TLN1: variants seen among roughly 807,000 people sequenced by gnomAD.
TLN1 encodes talin 1, also known as talin-1.
A neutral mutation model predicts 292.3 loss-of-function variants in TLN1; 56 were observed. That is an observed-to-expected ratio of 0.19 (90% CI 0.15 to 0.24). TLN1 has a LOEUF of 0.24. Among genes scored for constraint, TLN1 ranks in the 10% least tolerant of loss-of-function variants. The pLI is 1.00. For missense variants in TLN1, 2,433 were observed against 3,248.2 expected, an observed-to-expected ratio of 0.75 and a Z score of 6.10; for synonymous variants, 1,119 against 1,253.7, an observed-to-expected ratio of 0.89 and a Z score of 2.27.
Position 35,704,762 on chromosome 9 carries a change from A to C in TLN1, c.5787T>G (p.Ala1929=). ...GCAGGGCGCCTGCCTTGGTGACCAG[A>C]GCGGCACAGCCATGGCCCAGCTCCT... The part of the protein sequence containing the change: ...RVQELGHGCA[A]LVTKAGALQC... The change falls in exon 44 of 57, where the codon GCT becomes GCG. Residue 1929 remains alanine (A), a synonymous_variant. Coordinates refer to ENST00000314888, the MANE Select transcript of TLN1 (RefSeq NM_006289.4). This position sits in a 1 kb window ranked among gnomAD's most constrained non-coding sequence, Gnocchi z 6.9. 1 of 1,614,164 alleles carries C rather than the reference A, an allele frequency of 6.2e-7. No homozygotes were observed. The highest frequency in any genetic ancestry group is 8.5e-7 in the Non-Finnish European group (1 of 1,180,034).
chr9:35,702,738 G>A (rs1288962201), intron 48 of TLN1, among the ~76,000 whole-genome samples: 5 of 151,732 alleles, frequency 3.3e-5, no homozygotes, highest in Admixed American at 1.3e-4. Flanking sequence ...TGATCCACCC[G>A]CCTCAGCCTC....
chr9:35,722,269 A>T (rs1563946555), intron 8 of TLN1, 46 bp from the exon 9 acceptor site: 1 of 1,530,352 alleles, frequency 6.5e-7, no homozygotes, highest in Non-Finnish European at 9.1e-7. Context: ...TTCATATCAC[A>T]GCTAAGGAAT....
Position 35,715,158 on chromosome 9 carries a change from C to T in TLN1, c.2655G>A (p.Glu885=). ...KGAAAHPDSE[E]QQQRLREAAE... is the part of the protein sequence containing the mutation. ...CTGCCTCCCGCAGCCGCTGCTGCTG[C>T]TCCTCACTGTCAGGGTGGGCAGCTG... Residue 885 remains glutamate (E), a synonymous_variant, in exon 21 of 57, where the codon GAG becomes GAA. Transcript: ENST00000314888. The T allele has an allele frequency of 6.2e-7, 1 of 1,612,526 alleles. No individual in the cohort carries two copies. The highest frequency in any genetic ancestry group is 8.5e-7 in the Non-Finnish European group (1 of 1,180,016).
chr9:35,713,412 G>C, intron 25 of TLN1, 114 bp from the exon 26 acceptor site: 2 of 781,700 alleles, frequency 2.6e-6, no homozygotes, highest in Non-Finnish European at 4.0e-6. Flanking sequence ...GGCTGGGTGC[G>C]ATGGCTCCCA....
Position 35,706,419 on chromosome 9 carries a change from C to A in TLN1, c.5190+31G>T. On this transcript the variant is annotated intron_variant, in intron 39 of 56. Coordinates refer to ENST00000314888, the MANE Select transcript of TLN1 (RefSeq NM_006289.4). This position sits in a 1 kb window ranked among gnomAD's most constrained non-coding sequence, Gnocchi z 4.2. ...AGGTCCCCTCTCTCTCACCCTACTC[C>A]CTGGGACTTCCCATGAGTCTCCATA... The A allele has an allele frequency of 6.2e-7, 1 of 1,613,896 alleles. No homozygotes were observed. The highest frequency in any genetic ancestry group is 8.5e-7 in the Non-Finnish European group (1 of 1,179,888).
In TLN1 at chr9:35,720,124, G is replaced by C. The variant is rs1563945827; in HGVS notation, c.1379C>G (p.Pro460Arg). ...CATGCTGCCCACCTGGAAATTCTCA[G>C]GACCAGAGGCTCCAGAGCGCATGAT... ...PAIMRSGASG[P>R]ENFQVGSMPP... Residue 460 changes from proline to arginine, a missense_variant, in exon 13 of 57, where the codon CCT (proline) becomes CGT (arginine). Coordinates refer to ENST00000314888, the MANE Select transcript of TLN1 (RefSeq NM_006289.4). The C allele has an allele frequency of 6.2e-7, 1 of 1,612,780 alleles. No individual in the cohort carries two copies. The highest frequency in any genetic ancestry group is 8.5e-7 in the Non-Finnish European group (1 of 1,179,470).
intron 48 of TLN1, among the ~76,000 whole-genome samples, chr9:35,700,913 C>G (rs955953727): frequency 2.0e-5 from 3 of 152,190 alleles, no homozygotes; most frequent in African/African-American, 7.2e-5. Flanking sequence ...GGGATGCTCC[C>G]TGTTCTCATG....
Position 35,716,573 on chromosome 9 carries a change from C to A in TLN1, c.2459-17G>T, listed in dbSNP as rs1825787103. 1.2e-6 allele frequency: 2 copies of A among 1,610,996 alleles called. No individual in the cohort carries two copies. The highest frequency in any genetic ancestry group is 1.7e-6 in the Non-Finnish European group (2 of 1,178,270). ...CCATCTCCCCTGAGAGCATAGGGCA[C>A]AGTCAGGCGAGGAAGCCAGAGACAC... On this transcript the variant is annotated splice_polypyrimidine_tract_variant and intron_variant, in intron 19 of 56. Transcript: ENST00000314888.
rs755189562 is a variant in TLN1, at chr9:35,715,116, C to A, written c.2697G>T (p.Met899Ile). The A allele has an allele frequency of 6.2e-7, 1 of 1,613,300 alleles. No individual in the cohort carries two copies. Among genetic ancestry groups the A allele is most frequent in the South Asian group, 1.1e-5 (1 of 91,048 alleles). ...CATTCTGCGCAGCTGCATTGGTGGC[C>A]ATGCGCAGCCCCTCAGCTGCCTCCC... Reference protein sequence around the residue: ...RLREAAEGLRMATNAAAQNAI... With the variant: ...RLREAAEGLRIATNAAAQNAI... The change falls in exon 21 of 57, where the codon ATG (methionine) becomes ATT (isoleucine). Residue 899 changes from methionine (M) to isoleucine (I), a missense_variant. Met to Ile is a conservative substitution (Grantham distance 10). Transcript: ENST00000314888.
At chr9:35,709,844 G>A (rs540126241) in intron 33 of TLN1, among the ~76,000 whole-genome samples, 4 of 123,808 alleles carry the variant, frequency 3.2e-5, no homozygotes, top group African/African-American at 1.3e-4. Context: ...TCTAGATCGC[G>A]CCACTGCACT....
At chr9:35,716,159 C>T (rs1443123124) in intron 20 of TLN1, among the ~76,000 whole-genome samples, 1 of 145,572 alleles carries the variant, frequency 6.9e-6, no homozygotes, top group Non-Finnish European at 1.5e-5. Flanking sequence ...AGTTTGAGAC[C>T]AGCCTGGGCA....
intron 30 of TLN1, 30 bp downstream of exon 30, chr9:35,711,225 C>T: frequency 1.2e-6 from 2 of 1,613,904 alleles, no homozygotes; most frequent in Non-Finnish European, 8.5e-7. Flanking sequence ...CTCACACAGT[C>T]CAGGGCTGGG....
In TLN1 at chr9:35,724,426, CTT is replaced by C; in HGVS notation, c.512-94_512-93del. On this transcript the variant is annotated intron_variant, in intron 5 of 56. Transcript: ENST00000314888. This position sits in a 1 kb window ranked among gnomAD's most constrained non-coding sequence, Gnocchi z 4.7. ...TTTCTGCATTTCCTACCTCCCCTCA[CTT>C]AAATGTAAGTCCCATGAGTGTAGGA... The C allele has an allele frequency of 6.3e-7, 1 of 1,582,150 alleles. No individual in the cohort carries two copies. Among genetic ancestry groups the C allele is most frequent in the Non-Finnish European group, 8.6e-7 (1 of 1,157,572 alleles).
rs1443370181 is a variant in TLN1, at chr9:35,724,718, G to A, written c.365C>T (p.Thr122Ile). The change falls in exon 5 of 57, where the codon ACC (threonine) becomes ATC (isoleucine). Residue 122 changes from threonine (T) to isoleucine (I), a missense_variant. This residue lies in a region of TLN1 where 155 missense variants were observed against 287.9 expected (regional missense o/e 0.54). Coordinates refer to ENST00000314888, the MANE Select transcript of TLN1 (RefSeq NM_006289.4). This position sits in a 1 kb window ranked among gnomAD's most constrained non-coding sequence, Gnocchi z 4.7. Reference sequence around the variant, plus strand: ...AACCAATGAATATTCATCATGATTGGTGATGCCTGAGGAAGGAGATGGCTT... The same window carrying A: ...AACCAATGAATATTCATCATGATTGATGATGCCTGAGGAAGGAGATGGCTT... ...LMTICARIGI[T>I]NHDEYSLVRE... 6.2e-7 allele frequency: 1 copy of A among 1,613,978 alleles called. No individual in the cohort carries two copies. The highest frequency in any genetic ancestry group is 1.7e-5 in the Admixed American group (1 of 59,990).
chr9:35,704,053 G>C lies in TLN1; in HGVS notation c.6169C>G (p.Arg2057Gly). 3.7e-6 allele frequency: 6 copies of C among 1,613,868 alleles called. No individual in the cohort carries two copies. Among genetic ancestry groups the C allele is most frequent in the Non-Finnish European group, 5.1e-6 (6 of 1,179,910 alleles). Reference sequence around the variant, plus strand: ...CCCAGCTTGACCACATCAGCGAGGCGGGTGATGGTCGCCACGGAGGACTGG... The same window carrying C: ...CCCAGCTTGACCACATCAGCGAGGCCGGTGATGGTCGCCACGGAGGACTGG... ...AAQSSVATIT[R>G]LADVVKLGAA... is the part of the protein sequence containing the mutation. The change falls in exon 46 of 57, where the codon CGC becomes GGC. Residue 2057 changes from arginine to glycine, a missense_variant. Physicochemically the swap from Arg to Gly is moderately radical, Grantham distance 125. Around this residue, in one of 7 missense-constraint regions of TLN1, gnomAD observed 1,384 missense variants for 1,699.6 expected, o/e 0.81. Transcript: ENST00000314888. The surrounding 1 kb of genome is among the most constrained non-coding windows in gnomAD (Gnocchi z 6.9).
rs762853460 is a variant in TLN1 at position 35,720,735 on chromosome 9, A to T, written c.1206+77T>A. The T allele has an allele frequency of 2.4e-4, 334 of 1,398,136 alleles. 1 individual carries two copies. In the Middle Eastern group the frequency reaches 5.2e-3, roughly 22 times the overall value. 86.6% of individuals were successfully genotyped at this position (1,398,136 alleles called of 1,614,324 possible). On this transcript the variant is annotated intron_variant, in intron 11 of 56. Transcript: ENST00000314888. ...CCGCCTCCCAGGTTCAAGCAATCTG[A>T]GTGCCCATTTCTAAAGGACTGGCTT... is the stretch of plus-strand genomic sequence containing the variant.
At chr9:35,723,094 G>A (rs1298250286) in intron 7 of TLN1, 173 bp from the exon 8 acceptor site, 11 of 526,994 alleles carry the variant, frequency 2.1e-5, no homozygotes, top group South Asian at 4.7e-5. Flanking sequence ...AGGTGACTTC[G>A]TGTAAACTCT....
intron 20 of TLN1, 121 bp downstream of exon 20, chr9:35,716,269 T>G: frequency 1.7e-6 from 2 of 1,150,050 alleles, no homozygotes; most frequent in Non-Finnish European, 1.2e-6. Context: ...AGTGCTCCTA[T>G]ATTTGTCCTC....
rs764397476 is a variant in TLN1 at position 35,717,186 on chromosome 9, T to G, written c.2418A>C (p.Leu806=). 1.2e-6 allele frequency: 2 copies of G among 1,611,622 alleles called. No homozygotes were observed. The highest frequency in any genetic ancestry group is 1.1e-5 in the South Asian group (1 of 91,068). The change falls in exon 19 of 57, where the codon CTA becomes CTC. Residue 806 remains leucine (L), a synonymous_variant. Coordinates refer to ENST00000314888, the MANE Select transcript of TLN1 (RefSeq NM_006289.4). The surrounding 1 kb of genome is among the most constrained non-coding windows in gnomAD (Gnocchi z 4.7). ...AGCTAAAGATGTTCTCAGTGACGGTTAGGATGGTGTCAGTAGCCTGGTCAT... is the reference window on the plus strand; with the variant it reads ...AGCTAAAGATGTTCTCAGTGACGGTGAGGATGGTGTCAGTAGCCTGGTCAT... The part of the protein sequence containing the change: ...GRYDQATDTI[L]TVTENIFSSM...
Sources: allele counts gnomAD v4.1 joint callset (sites outside exome capture counted in the v4.1 genomes callset), GRCh38; gene constraint gnomAD v4.1.1; regional missense constraint gnomAD v4.1.1; non-coding constraint Gnocchi (gnomAD v3.1); transcripts MANE v1.5; gene names NCBI Gene and HGNC (gene_info 2026-07-23, HGNC 2026-07-21).